The following EXD3 variants were observed in gnomAD, a reference collection of about 807,000 sequenced individuals.
The protein encoded by EXD3 is exonuclease 3'-5' domain containing 3, also known as exonuclease mut-7 homolog.
EXD3 carries 92 observed loss-of-function variants against 98.0 expected under a neutral mutation model. That is an observed-to-expected ratio of 0.94 (90% CI 0.79 to 1.12). The LOEUF (loss-of-function observed/expected upper bound fraction) is 1.12. EXD3 is among the 50% of genes most tolerant of loss of function. The probability of loss-of-function intolerance (pLI) is 0.00; values close to 1 mark genes in which losing one functional copy is unlikely to be tolerated. For synonymous variants in EXD3, 569 were observed against 526.0 expected (o/e 1.08, Z -1.12); for missense variants, 1,222 against 1,191.6 (o/e 1.03, Z -0.38).
Position 137,307,041 on chromosome 9 carries a change from C to T in EXD3, c.2540G>A (p.Arg847His), listed in dbSNP as rs375831870. The change falls in exon 22 of 22, where the codon CGT (arginine) becomes CAT (histidine). Residue 847 changes from arginine (R) to histidine (H), a missense_variant. By Grantham distance (29) the Arg-to-His change is conservative. Transcript: ENST00000340951. Reference protein sequence around the residue: ...KVFWDGSHLGRVATHFRDMLE... With the variant: ...KVFWDGSHLGHVATHFRDMLE... ...CATGTCTCGGAAGTGGGTGGCAACA[C>T]GACCCAGGTGGGAGCCGTCCCAGAA... 193 of 1,612,184 alleles carry T rather than the reference C, an allele frequency of 1.2e-4. No individual in the cohort carries two copies. Among genetic ancestry groups the T allele is most frequent in the Non-Finnish European group, 1.5e-4 (176 of 1,179,670 alleles).
At chr9:137,355,618 G>GAAGGAGGAAGGAGA (rs1834683006) in intron 8 of EXD3, among the ~76,000 whole-genome samples, 2 of 28,406 alleles carry the variant, frequency 7.0e-5, no homozygotes, top group African/African-American at 2.1e-4. Context: ...GAGGAAGGAG[G>GAAGGAGGAAGGAGA]AAGGGAGGAT....
chr9:137,346,899 C>T (rs1033335818), intron 17 of EXD3, among the ~76,000 whole-genome samples: 2 of 152,026 alleles, frequency 1.3e-5, no homozygotes, highest in Non-Finnish European at 2.9e-5. Flanking sequence ...CTGCTGCCAC[C>T]TCTGCCTCCC....
rs773516567 is a variant in EXD3, at chr9:137,371,048, G to A, written c.462+1857C>T. 1.5e-3 allele frequency among the ~76,000 whole-genome samples: 223 copies of A among 152,294 alleles called. 3 individuals carry two copies. The highest frequency in any genetic ancestry group is 4.1e-3 in the South Asian group (20 of 4,828). On this transcript the variant is annotated intron_variant, in intron 5 of 21. Coordinates refer to ENST00000340951, the MANE Select transcript of EXD3 (RefSeq NM_017820.5). The surrounding 1 kb of genome is among the most constrained non-coding windows in gnomAD (Gnocchi z 8.0). ...CATGCATCGCCTGCCGGGCGGCCCC[G>A]CTCGGGGACAATGGCTTTCTTCGCA...
chr9:137,410,310 T>C (rs572254889), intron 1 of EXD3, among the ~76,000 whole-genome samples: 8 of 151,182 alleles, frequency 5.3e-5, no homozygotes, highest in African/African-American at 1.7e-4. Context: ...CATGGTGAAA[T>C]CCCGTCTCTA....
chr9:137,321,744 C>G (rs1420335954), intron 19 of EXD3, among the ~76,000 whole-genome samples: 1 of 152,190 alleles, frequency 6.6e-6, no homozygotes, highest in East Asian at 1.9e-4. Context: ...CCTGCTGCTC[C>G]AGGCGGAATA....
In EXD3 at chr9:137,373,549, G is replaced by C; in HGVS notation, c.171C>G (p.Ala57=). ...AGCTCTCCAGCATGTCCAGAAGCCC[G>C]GCCAGGGGGTCGTCCAAGGCAGCAA... ...RGFAALDDPL[A]GLLDMLESCR... The change falls in exon 4 of 22, where the codon GCC becomes GCG. Residue 57 remains alanine, a synonymous_variant. Transcript: ENST00000340951. 1 of 1,603,318 alleles carries C rather than the reference G, an allele frequency of 6.2e-7. No individual in the cohort carries two copies. Among genetic ancestry groups the C allele is most frequent in the Non-Finnish European group, 8.5e-7 (1 of 1,176,058 alleles).
At position 137,355,492 on chromosome 9, in the gene EXD3, T is replaced by TGGAGGAA. The variant is rs1834624058; in HGVS notation, c.758-726_758-720dup. ...AGGAAGGAGGAAGGAGGAAGGAGGA[T>TGGAGGAA]GGAGGAAGGAGGAAGGAGGAAGGAG... On this transcript the variant is annotated intron_variant, in intron 8 of 21. Coordinates refer to ENST00000340951, the MANE Select transcript of EXD3 (RefSeq NM_017820.5). 1.7e-3 allele frequency among the ~76,000 whole-genome samples: 51 copies of TGGAGGAA among 30,776 alleles called. 2 individuals are homozygous for TGGAGGAA. The highest frequency in any genetic ancestry group is 2.2e-3 in the Non-Finnish European group (33 of 14,822). The allele number at this position is 30,776 out of a possible 152,430, so 20.2% of individuals were successfully genotyped here. A position where few individuals can be genotyped will look rare whatever the true frequency, so the allele number is the denominator to read the frequency against.
Position 137,347,980 on chromosome 9 carries a change from G to A in EXD3, c.1998+91C>T. The A allele has an allele frequency of 2.1e-6, 3 of 1,404,780 alleles. No individual in the cohort carries two copies. Among genetic ancestry groups the A allele is most frequent in the Non-Finnish European group, 2.9e-6 (3 of 1,043,154 alleles). 87.0% of individuals were successfully genotyped at this position (1,404,780 alleles called of 1,614,324 possible). A position where few individuals can be genotyped will look rare whatever the true frequency, so the allele number is the denominator to read the frequency against. ...CACAGCTGGCAGCCATGGATGAGCTGGAGGGAGGAGTTTGATGCTAGGGGT... is the reference window on the plus strand; with the variant it reads ...CACAGCTGGCAGCCATGGATGAGCTAGAGGGAGGAGTTTGATGCTAGGGGT... On this transcript the variant is annotated intron_variant, in intron 17 of 21. Transcript: ENST00000340951. This position sits in a 1 kb window ranked among gnomAD's most constrained non-coding sequence, Gnocchi z 4.2.
intron 17 of EXD3, among the ~76,000 whole-genome samples, chr9:137,333,350 T>C (rs1228083743): frequency 6.6e-6 from 1 of 152,220 alleles, no homozygotes; most frequent in African/African-American, 2.4e-5. Context: ...AGACTTCACC[T>C]TGTGATCCTG....
In EXD3 at chr9:137,347,309, G is replaced by A. The variant is rs1312315951; in HGVS notation, c.1998+762C>T. The stretch of plus-strand genomic sequence containing the variant: ...AACCTGCTTCTGGGCTTGGTCAGGT[G>A]TTGGCAGAATCTGGCTGCTTGTGGC... On this transcript the variant is annotated intron_variant, in intron 17 of 21. Transcript: ENST00000340951. The surrounding 1 kb of genome is among the most constrained non-coding windows in gnomAD (Gnocchi z 4.2). Among the ~76,000 whole-genome samples the A allele has an allele frequency of 2.0e-5, 3 of 152,106 alleles. No individual in the cohort carries two copies. The highest frequency in any genetic ancestry group is 4.4e-5 in the Non-Finnish European group (3 of 68,026).
intron 1 of EXD3, among the ~76,000 whole-genome samples, chr9:137,418,192 CA>C (rs1442127877): frequency 2.0e-5 from 3 of 152,142 alleles, no homozygotes; most frequent in Admixed American, 6.5e-5. Context: ...ACTAAAAATA[CA>C]AAAATTAGCC....
chr9:137,389,943 G>A (rs537823371), intron 2 of EXD3, among the ~76,000 whole-genome samples: 2 of 151,464 alleles, frequency 1.3e-5, no homozygotes, highest in South Asian at 2.1e-4. Context: ...CCAACATGGC[G>A]AAACCCCGTC....
intron 9 of EXD3, 29 bp from the exon 10 acceptor site, chr9:137,354,406 G>A: frequency 6.2e-7 from 1 of 1,612,206 alleles, no homozygotes; most frequent in Non-Finnish European, 8.5e-7. Flanking sequence ...AGGGGCGGTT[G>A]CCAGGCAGCT....
chr9:137,339,395 G>T (rs1295058828), intron 17 of EXD3, among the ~76,000 whole-genome samples: 1 of 151,388 alleles, frequency 6.6e-6, no homozygotes, highest in East Asian at 1.9e-4. Flanking sequence ...CGGGTGAGGT[G>T]CCACATGCCT....
chr9:137,416,676 G>A (rs1038911163), intron 1 of EXD3, among the ~76,000 whole-genome samples: 3 of 152,352 alleles, frequency 2.0e-5, no homozygotes, highest in African/African-American at 7.2e-5. Flanking sequence ...CTCTGAGGAG[G>A]ATGGGGACGG....
At chr9:137,414,182 G>T (rs983973004) in intron 1 of EXD3, among the ~76,000 whole-genome samples, 1 of 152,234 alleles carries the variant, frequency 6.6e-6, no homozygotes, top group Non-Finnish European at 1.5e-5. Flanking sequence ...CTCCCAAAGT[G>T]CTGGGATTAC....
At position 137,324,010 on chromosome 9, in the gene EXD3, C is replaced by T. The variant is rs1484097183; in HGVS notation, c.2052+80G>A. 4 of 1,538,380 alleles carry T rather than the reference C, an allele frequency of 2.6e-6. No individual in the cohort carries two copies. In the Admixed American group the frequency reaches 7.9e-5, roughly 30 times the overall value. ...GGGTCGGCCCCACGGCAAGCTGACC[C>T]TGAGGTGGGGGTGGCCGAGGGGCTG... is the stretch of plus-strand genomic sequence containing the variant. On this transcript the variant is annotated intron_variant, in intron 18 of 21. Transcript: ENST00000340951. This position sits in a 1 kb window ranked among gnomAD's most constrained non-coding sequence, Gnocchi z 4.1.
intron 13 of EXD3, 73 bp from the exon 14 acceptor site, chr9:137,351,220 C>A: frequency 2.6e-6 from 4 of 1,520,452 alleles, no homozygotes; most frequent in Non-Finnish European, 3.6e-6. Context: ...CCAGGGTGCA[C>A]CCAGCACCCT....
At chr9:137,400,175 C>A (rs930160008) in intron 1 of EXD3, among the ~76,000 whole-genome samples, 14 of 152,190 alleles carry the variant, frequency 9.2e-5, no homozygotes, top group African/African-American at 3.4e-4. Flanking sequence ...CCCCTGGGTC[C>A]CTCCCATAAC....
Sources: gnomAD v4.1 joint callset for allele counts (sites outside exome capture counted in the v4.1 genomes callset) on GRCh38, gnomAD v4.1.1 for gene constraint, Gnocchi (gnomAD v3.1) non-coding constraint, MANE v1.5 for transcripts, NCBI Gene and HGNC (gene_info 2026-07-23, HGNC 2026-07-21) for gene names.